MICOS10: variants seen among roughly 807,000 people sequenced by gnomAD.
MICOS10 encodes MICOS complex subunit MIC10.
In MICOS10, 5 loss-of-function variants were observed where a neutral mutation model predicts 13.4. The ratio of observed to expected loss-of-function variants is 0.37; its 90% CI spans 0.20 to 0.78. The LOEUF (loss-of-function observed/expected upper bound fraction) is 0.78, where lower values mean the gene tolerates loss of function less well. Ranked by LOEUF, MICOS10 falls within the 30% of genes least tolerant of loss-of-function variation. MICOS10 has a pLI of 0.47. For synonymous variants in MICOS10, 35 were observed against 33.6 expected, an observed-to-expected ratio of 1.04 and a Z score of -0.15; for missense variants, 101 against 94.6, an observed-to-expected ratio of 1.07 and a Z score of -0.28.
intron 1 of MICOS10, among the ~76,000 whole-genome samples, chr1:19,602,251 C>T (rs1260405249): frequency 6.6e-6 from 1 of 152,182 alleles, no homozygotes; most frequent in Non-Finnish European, 1.5e-5. Context: ...GTAGACCGTT[C>T]TCTGCCCATA....
chr1:19,604,646 G>A (rs1320308189), intron 1 of MICOS10, among the ~76,000 whole-genome samples: 1 of 152,190 alleles, frequency 6.6e-6, no homozygotes, highest in Non-Finnish European at 1.5e-5. Context: ...TTGTAGGTCT[G>A]ATAATCAATA....
At chr1:19,607,050 C>G (rs901243597) in intron 1 of MICOS10, among the ~76,000 whole-genome samples, 3 of 152,200 alleles carry the variant, frequency 2.0e-5, no homozygotes, top group Non-Finnish European at 4.4e-5. Context: ...AAACTGATAC[C>G]TCTCTATTTC....
At chr1:19,623,950 C>T (rs1160123667) in intron 3 of MICOS10, among the ~76,000 whole-genome samples, 1 of 152,168 alleles carries the variant, frequency 6.6e-6, no homozygotes, top group Non-Finnish European at 1.5e-5. Flanking sequence ...TAAGCTAAAC[C>T]CAAAGACTTC....
intron 1 of MICOS10, chr1:19,617,178 C>A: frequency 1.6e-6 from 1 of 616,820 alleles, no homozygotes; most frequent in Non-Finnish European, 2.0e-6. Context: ...TGAAGCAGAG[C>A]ACACCAGTAA....
At chr1:19,606,441 C>T (rs183648589) in intron 1 of MICOS10, among the ~76,000 whole-genome samples, 2 of 152,272 alleles carry the variant, frequency 1.3e-5, no homozygotes, top group African/African-American at 4.8e-5. Context: ...CTTGCTTCTT[C>T]CTTGTTACGA....
intron 1 of MICOS10, among the ~76,000 whole-genome samples, chr1:19,613,406 C>T (rs1023304646): frequency 5.9e-5 from 9 of 152,316 alleles, no homozygotes; most frequent in Non-Finnish European, 1.3e-4. Context: ...AAAAGGTTGT[C>T]GTTCTTTATC....
chr1:19,611,877 C>A (rs182836467), intron 1 of MICOS10, among the ~76,000 whole-genome samples: 1 of 142,638 alleles, frequency 7.0e-6, no homozygotes, highest in African/African-American at 2.8e-5. Context: ...GAGGCTGAGG[C>A]AGGAGAATCG....
In MICOS10 at chr1:19,626,254, GAGAC is replaced by G. The variant is rs1280493539; in HGVS notation, c.223-130_223-127del. ...GGTAGGGTGTACATAGTCCTGTTGT[GAGAC>G]AGTTTTAACGTAAACAGTGTGATAA... On this transcript the variant is annotated intron_variant, in intron 3 of 3. Transcript: ENST00000322753. The G allele has an allele frequency of 1.4e-5, 14 of 1,006,182 alleles. No individual in the cohort carries two copies. The African/African-American group carries it at 2.2e-4, about 16-fold the overall frequency. 62.3% of individuals were successfully genotyped at this position (1,006,182 alleles called of 1,614,324 possible).
chr1:19,597,000 G>T lies in MICOS10; in HGVS notation c.-46G>T. ...TCTCGCGAGACTTTCAGGGGTCGGA[G>T]CGCGGGGGCCGGCCGAGAGGAAAGC... On this transcript the variant is annotated 5_prime_UTR_variant, in exon 1 of 4. Coordinates refer to ENST00000322753, the MANE Select transcript of MICOS10 (RefSeq NM_001032363.4). 1.3e-6 allele frequency: 2 copies of T among 1,556,248 alleles called. No homozygotes were observed. The highest frequency in any genetic ancestry group is 1.7e-6 in the Non-Finnish European group (2 of 1,155,012).
chr1:19,605,894 A>G (rs2094832765), intron 1 of MICOS10, among the ~76,000 whole-genome samples: 1 of 152,088 alleles, frequency 6.6e-6, no homozygotes, highest in Non-Finnish European at 1.5e-5. Context: ...TCTCTTGGAT[A>G]TATACCTAGG....
chr1:19,599,435 G>A (rs74531078), intron 1 of MICOS10, among the ~76,000 whole-genome samples: 11,923 of 152,198 alleles, frequency 0.078, 646 homozygotes, highest in Non-Finnish European at 0.11. Context: ...TCTCTCATGC[G>A]TAGAACGTTG....
intron 1 of MICOS10, among the ~76,000 whole-genome samples, chr1:19,618,936 T>C (rs72656068): frequency 0.076 from 11,620 of 152,308 alleles, 515 homozygotes; most frequent in African/African-American, 0.097. Flanking sequence ...TTAACTAATC[T>C]TTTAGATGTA....
At chr1:19,624,325 C>T (rs2094914911) in intron 3 of MICOS10, among the ~76,000 whole-genome samples, 1 of 151,844 alleles carries the variant, frequency 6.6e-6, no homozygotes, top group Non-Finnish European at 1.5e-5. Flanking sequence ...ATCACTCTGC[C>T]ACCAAGGTGG....
chr1:19,603,216 A>C (rs2094822437), intron 1 of MICOS10, among the ~76,000 whole-genome samples: 1 of 152,146 alleles, frequency 6.6e-6, no homozygotes, highest in Non-Finnish European at 1.5e-5. Context: ...CTGTAATCTC[A>C]GCTACTGGGA....
intron 1 of MICOS10, among the ~76,000 whole-genome samples, chr1:19,603,222 T>C (rs2094822446): frequency 1.3e-5 from 2 of 152,036 alleles, no homozygotes. Flanking sequence ...TCTCAGCTAC[T>C]GGGAGGCTGA....
intron 3 of MICOS10, chr1:19,625,551 C>G: frequency 2.3e-6 from 3 of 1,289,450 alleles, no homozygotes; most frequent in Non-Finnish European, 3.0e-6. Flanking sequence ...CCGGCCTTTT[C>G]CACCACTCCC....
At chr1:19,607,305 G>A (rs1277097635) in intron 1 of MICOS10, among the ~76,000 whole-genome samples, 1 of 152,206 alleles carries the variant, frequency 6.6e-6, no homozygotes, top group Non-Finnish European at 1.5e-5. Context: ...GGCGCTATGT[G>A]GAACTTGAAA....
chr1:19,599,023 T>A (rs1028706601), intron 1 of MICOS10, among the ~76,000 whole-genome samples: 3 of 152,122 alleles, frequency 2.0e-5, no homozygotes, highest in Non-Finnish European at 4.4e-5. Flanking sequence ...ATGCCAGGAT[T>A]ACAGGCATGA....
intron 1 of MICOS10, among the ~76,000 whole-genome samples, chr1:19,621,032 T>C (rs899902549): frequency 1.3e-5 from 2 of 152,248 alleles, no homozygotes; most frequent in South Asian, 4.1e-4. Context: ...GTTTGGAATC[T>C]GTAAGCTAGT....
Sources: gnomAD v4.1 joint callset for allele counts (sites outside exome capture counted in the v4.1 genomes callset) on GRCh38, gnomAD v4.1.1 for gene constraint, MANE v1.5 for transcripts, NCBI Gene and HGNC (gene_info 2026-07-23, HGNC 2026-07-21) for gene names.